Variants in MACROD2 observed in about 807,000 individuals in gnomAD.
MACROD2 encodes ADP-ribose glycohydrolase MACROD2.
A neutral mutation model predicts 70.4 loss-of-function variants in MACROD2; 36 were observed. The observed-to-expected ratio is 0.51, with a 90% CI of 0.39 to 0.68. MACROD2 has a LOEUF of 0.68. MACROD2 is among the 30% of genes least tolerant of loss of function. The probability of loss-of-function intolerance (pLI) is 0.00; values close to 1 mark genes in which losing one functional copy is unlikely to be tolerated. For missense variants in MACROD2, 496 were observed against 538.4 expected, an observed-to-expected ratio of 0.92 and a Z score of 0.78; for synonymous variants, 172 against 178.8, an observed-to-expected ratio of 0.96 and a Z score of 0.30.
intron 3 of MACROD2, among the ~76,000 whole-genome samples, chr20:14,172,981 C>T (rs1055358083): frequency 6.6e-6 from 1 of 152,210 alleles, no homozygotes; most frequent in African/African-American, 2.4e-5. Flanking sequence ...CCAATCACTT[C>T]TAGCTTGTAG....
chr20:14,155,792 A>C (rs2055094024), intron 3 of MACROD2, among the ~76,000 whole-genome samples: 1 of 152,204 alleles, frequency 6.6e-6, no homozygotes, highest in Non-Finnish European at 1.5e-5. Context: ...TATTATTAAT[A>C]ATCAGCCTAT....
At chr20:14,842,671 G>T (rs1283872759) in intron 5 of MACROD2, among the ~76,000 whole-genome samples, 3 of 152,066 alleles carry the variant, frequency 2.0e-5, no homozygotes, top group Admixed American at 2.0e-4. Flanking sequence ...CCCTACAATT[G>T]TTGAGACATT....
intron 2 of MACROD2, among the ~76,000 whole-genome samples, chr20:14,040,051 G>A (rs548664524): frequency 8.5e-5 from 13 of 152,180 alleles, no homozygotes; most frequent in Middle Eastern, 3.4e-3. Flanking sequence ...GAGTATCTGG[G>A]GAACCTTTCA....
At chr20:14,799,702 C>T (rs2072551486) in intron 5 of MACROD2, among the ~76,000 whole-genome samples, 1 of 152,000 alleles carries the variant, frequency 6.6e-6, no homozygotes, top group African/African-American at 2.4e-5. Flanking sequence ...GACTGGCTCT[C>T]ACATTAAGTA....
intron 5 of MACROD2, among the ~76,000 whole-genome samples, chr20:14,792,342 C>G (rs993538715): frequency 6.6e-6 from 1 of 152,052 alleles, no homozygotes; most frequent in African/African-American, 2.4e-5. Context: ...ATCCATTTCT[C>G]TCTCCTACTT....
At chr20:16,021,432 G>A (rs2066999660) in intron 15 of MACROD2, among the ~76,000 whole-genome samples, 1 of 152,228 alleles carries the variant, frequency 6.6e-6, no homozygotes, top group Admixed American at 6.5e-5. Flanking sequence ...GCAGAGTTGT[G>A]CAGGGAGAGA....
At chr20:14,836,659 G>A (rs1044620475) in intron 5 of MACROD2, among the ~76,000 whole-genome samples, 2 of 152,030 alleles carry the variant, frequency 1.3e-5, no homozygotes, top group Admixed American at 6.6e-5. Context: ...AGATGGAAAT[G>A]ACTAGATAAA....
chr20:14,490,742 G>A (rs532640369), intron 3 of MACROD2, among the ~76,000 whole-genome samples: 53 of 152,086 alleles, frequency 3.5e-4, no homozygotes, highest in Admixed American at 9.8e-4. Flanking sequence ...TTTAGATAGG[G>A]ACATAAATAT....
At chr20:14,572,119 A>T (rs550001617) in intron 4 of MACROD2, among the ~76,000 whole-genome samples, 138 of 152,204 alleles carry the variant, frequency 9.1e-4, no homozygotes, top group Non-Finnish European at 1.8e-3. Flanking sequence ...CACCTTAAAG[A>T]AGAGGCTAAT....
chr20:14,503,135 C>G (rs543993384), intron 4 of MACROD2, among the ~76,000 whole-genome samples: 1 of 152,076 alleles, frequency 6.6e-6, no homozygotes, highest in African/African-American at 2.4e-5. Context: ...TGGGGAGGAA[C>G]AAGGGATCCC....
At chr20:15,427,112 AT>A (rs893407978) in intron 6 of MACROD2, among the ~76,000 whole-genome samples, 8 of 152,016 alleles carry the variant, frequency 5.3e-5, no homozygotes, top group African/African-American at 1.7e-4. Flanking sequence ...CATAAAATGA[AT>A]TTTTTTCCAC....
At position 15,114,872 on chromosome 20, in the gene MACROD2, A is replaced by C. The variant is rs2075981070; in HGVS notation, c.419-115068A>C. Among the ~76,000 whole-genome samples, 6 of 152,138 alleles carry C rather than the reference A, an allele frequency of 3.9e-5. No homozygotes were observed. The South Asian group carries it at 1.2e-3, about 31-fold the overall frequency. On this transcript the variant is annotated intron_variant, in intron 5 of 17. Transcript: ENST00000684519. The stretch of plus-strand genomic sequence containing the variant: ...TTTCCCCCAGTGAGGAGAAAAACAC[A>C]TGACCCAAACTAGGCCAATCAGATC...
intron 5 of MACROD2, among the ~76,000 whole-genome samples, chr20:14,874,985 A>T (rs1409919977): frequency 6.6e-6 from 1 of 151,888 alleles, no homozygotes; most frequent in Non-Finnish European, 1.5e-5. Context: ...GATTGCAGGC[A>T]TGAGCCGCTG....
intron 9 of MACROD2, among the ~76,000 whole-genome samples, chr20:15,874,309 T>A (rs2064634797): frequency 6.6e-6 from 1 of 152,110 alleles, no homozygotes; most frequent in Admixed American, 6.6e-5. Context: ...TTATCCAGTC[T>A]ATTATTGATG....
intron 5 of MACROD2, among the ~76,000 whole-genome samples, chr20:15,229,525 C>T (rs892702710): frequency 6.6e-6 from 1 of 152,118 alleles, no homozygotes; most frequent in Non-Finnish European, 1.5e-5. Context: ...TAGAAGTAAG[C>T]TAGGCTAGCA....
chr20:14,899,617 C>A (rs1004886876), intron 5 of MACROD2, among the ~76,000 whole-genome samples: 1 of 152,066 alleles, frequency 6.6e-6, no homozygotes, highest in African/African-American at 2.4e-5. Context: ...GCCCTAATGA[C>A]CTCTGTTAAC....
At chr20:15,608,120 A>T (rs1028358512) in intron 8 of MACROD2, among the ~76,000 whole-genome samples, 7 of 152,246 alleles carry the variant, frequency 4.6e-5, no homozygotes, top group Non-Finnish European at 7.3e-5. Flanking sequence ...GATATTCTTT[A>T]ACTTTGTAGA....
chr20:15,543,370 T>A (rs7266469), intron 8 of MACROD2, among the ~76,000 whole-genome samples: 3 of 152,180 alleles, frequency 2.0e-5, no homozygotes, highest in Non-Finnish European at 4.4e-5. Flanking sequence ...AGGCTTTTGA[T>A]ACATGATAGA....
intron 15 of MACROD2, among the ~76,000 whole-genome samples, chr20:16,008,049 C>G (rs1001883443): frequency 6.6e-6 from 1 of 152,156 alleles, no homozygotes; most frequent in Non-Finnish European, 1.5e-5. Flanking sequence ...CACTATCTTT[C>G]GCAGGAGTTC....
Sources: allele counts gnomAD v4.1 joint callset (sites outside exome capture counted in the v4.1 genomes callset), GRCh38; gene constraint gnomAD v4.1.1; transcripts MANE v1.5; gene names NCBI Gene and HGNC (gene_info 2026-07-23, HGNC 2026-07-21).